The following LINGO3 variants were observed in gnomAD, a reference collection of about 807,000 sequenced individuals.
The protein encoded by LINGO3 is leucine rich repeat and Ig domain containing 3.
For synonymous variants in LINGO3, 427 were observed against 444.2 expected, an observed-to-expected ratio of 0.96 and a Z score of 0.49; for missense variants, 750 against 867.7, an observed-to-expected ratio of 0.86 and a Z score of 1.70.
the LINGO3 span, among the ~76,000 whole-genome samples, chr19:2,299,454 C>T: frequency 5.3e-5 from 8 of 151,284 alleles, no homozygotes; most frequent in South Asian, 2.1e-4. Context: ...GATGGAGTCT[C>T]GCTCTGTCGC....
the LINGO3 span, among the ~76,000 whole-genome samples, chr19:2,307,852 G>A: frequency 2.0e-5 from 3 of 152,328 alleles, no homozygotes; most frequent in African/African-American, 7.2e-5. Context: ...CCAGAGGAGG[G>A]GCGGGGGGCC....
the LINGO3 span, among the ~76,000 whole-genome samples, chr19:2,308,050 C>G: frequency 6.6e-6 from 1 of 150,818 alleles, no homozygotes; most frequent in Non-Finnish European, 1.5e-5. Flanking sequence ...GCGCGCCCCA[C>G]GCCGGGCCCC....
chr19:2,293,488 T>C (rs990975458), upstream of LINGO3, among the ~76,000 whole-genome samples: 5 of 151,634 alleles, frequency 3.3e-5, no homozygotes, highest in African/African-American at 1.2e-4. Flanking sequence ...GCCTCCTGAG[T>C]AGCTGGGACT....
the LINGO3 span, among the ~76,000 whole-genome samples, chr19:2,301,952 A>G: frequency 1.3e-5 from 2 of 149,138 alleles, no homozygotes; most frequent in African/African-American, 5.0e-5. Context: ...AAAAAAGAGG[A>G]AAAGAAAAGA....
exon 1 of LINGO3, chr19:2,289,924 G>T: frequency 7.8e-7 from 1 of 1,288,718 alleles, no homozygotes; most frequent in South Asian, 1.5e-5. Context: ...CTTCCCCTCC[G>T]GGAAATGCAT....
At chr19:2,300,023 CTTTTTT>C in the LINGO3 span, among the ~76,000 whole-genome samples, 3 of 95,866 alleles carry the variant, frequency 3.1e-5, no homozygotes, top group Admixed American at 3.1e-4. Context: ...TGCCTGGCCT[CTTTTTT>C]TTTTTTTTTT....
chr19:2,301,612 C>T, the LINGO3 span, among the ~76,000 whole-genome samples: 1 of 152,110 alleles, frequency 6.6e-6, no homozygotes, highest in African/African-American at 2.4e-5. Context: ...CAGGGCCACA[C>T]AGCAGAGAGG....
downstream of LINGO3, chr19:2,289,776 A>G: frequency 3.6e-6 from 1 of 274,790 alleles, no homozygotes; most frequent in South Asian, 3.4e-5. Flanking sequence ...CATAGCAGGG[A>G]CAGGAAGACG....
At chr19:2,306,891 G>A in the LINGO3 span, among the ~76,000 whole-genome samples, 1 of 152,128 alleles carries the variant, frequency 6.6e-6, no homozygotes, top group African/African-American at 2.4e-5. Context: ...CTTCGGCTCA[G>A]AGAACAGCCA....
the LINGO3 span, among the ~76,000 whole-genome samples, chr19:2,301,845 G>A: frequency 1.3e-5 from 2 of 149,060 alleles, no homozygotes; most frequent in Non-Finnish European, 3.0e-5. Flanking sequence ...GGAGAATGGC[G>A]TGAACCCGGA....
rs2145085390 is a variant in LINGO3 at position 2,290,416 on chromosome 19, G to A, written c.1361C>T (p.Ala454Val). Reference sequence around the variant, plus strand: ...CCCGGGGAGCACGCGCGCCCGGCCCGCGCTGGTGGCCGTCACCGGCCGGTG... The same window carrying A: ...CCCGGGGAGCACGCGCGCCCGGCCCACGCTGGTGGCCGTCACCGGCCGGTG... Residue 454 changes from alanine (A) to valine (V), a missense_variant, in exon 1 of 1, where the codon GCG becomes GTG. Coordinates refer to ENST00000585527, the Ensembl canonical transcript of LINGO3. This position sits in a 1 kb window ranked among gnomAD's most constrained non-coding sequence, Gnocchi z 6.0. The A allele has an allele frequency of 7.0e-7, 1 of 1,420,318 alleles. No homozygotes were observed. The highest frequency in any genetic ancestry group is 9.1e-7 in the Non-Finnish European group (1 of 1,095,494). 88.0% of individuals were successfully genotyped at this position (1,420,318 alleles called of 1,614,324 possible).
the LINGO3 span, among the ~76,000 whole-genome samples, chr19:2,299,438 T>C: frequency 2.0e-5 from 3 of 152,076 alleles, no homozygotes; most frequent in Non-Finnish European, 4.4e-5. Context: ...TTTATTTTTT[T>C]TTTGAGATGG....
chr19:2,290,463 G>A lies in LINGO3; in HGVS notation c.1314C>T (p.Thr438=). 2 of 1,454,594 alleles carry A rather than the reference G, an allele frequency of 1.4e-6. No homozygotes were observed. Among genetic ancestry groups the A allele is most frequent in the Non-Finnish European group, 1.8e-6 (2 of 1,110,230 alleles). 90.1% of individuals were successfully genotyped at this position (1,454,594 alleles called of 1,614,324 possible). A position where few individuals can be genotyped will look rare whatever the true frequency, so the allele number is the denominator to read the frequency against. ...GGTGCTGGGGGGTCACCCAGGCCAC[G>A]GTGGGCGCCGGCTCGCCCTCGGCGC... Residue 438 remains threonine, a synonymous_variant, in exon 1 of 1, where the codon ACC becomes ACT. Coordinates refer to ENST00000585527, the Ensembl canonical transcript of LINGO3. This position sits in a 1 kb window ranked among gnomAD's most constrained non-coding sequence, Gnocchi z 6.0.
Position 2,290,571 on chromosome 19 carries a change from G to A in LINGO3, c.1206C>T (p.Phe402=), listed in dbSNP as rs1201649565. ...CCCGGATCTTGGGTTTGCGGCACAC[G>A]AAGTACTCGAACAGCACGGAGTCCG... Residue 402 remains phenylalanine (F), a synonymous_variant, in exon 1 of 1, where the codon TTC becomes TTT. Coordinates refer to ENST00000585527, the Ensembl canonical transcript of LINGO3. The surrounding 1 kb of genome is among the most constrained non-coding windows in gnomAD (Gnocchi z 6.0). 6.4e-7 allele frequency: 1 copy of A among 1,563,332 alleles called. No homozygotes were observed. The highest frequency in any genetic ancestry group is 1.7e-4 in the Middle Eastern group (1 of 5,992).
chr19:2,291,240 C>G (rs1351005615), exon 1 of LINGO3: 8 of 1,611,676 alleles, frequency 5.0e-6, no homozygotes, highest in Admixed American at 1.7e-5. Context: ...GCTCCAGGGT[C>G]AGCTCCTCCA....
chr19:2,303,008 G>A, the LINGO3 span, among the ~76,000 whole-genome samples: 6 of 152,242 alleles, frequency 3.9e-5, no homozygotes, highest in South Asian at 2.1e-4. Context: ...GCGCATCCAC[G>A]CCCTGTTACA....
the LINGO3 span, among the ~76,000 whole-genome samples, chr19:2,299,235 G>A: frequency 9.2e-5 from 14 of 152,106 alleles, no homozygotes; most frequent in African/African-American, 3.1e-4. Flanking sequence ...GAGGCAGGAG[G>A]GGGGATCTGG....
Position 2,290,529 on chromosome 19 carries a change from G to T in LINGO3, c.1248C>A (p.Arg416=). 1 of 1,515,126 alleles carries T rather than the reference G, an allele frequency of 6.6e-7. No homozygotes were observed. The highest frequency in any genetic ancestry group is 8.8e-7 in the Non-Finnish European group (1 of 1,136,376). 93.9% of individuals were successfully genotyped at this position (1,515,126 alleles called of 1,614,324 possible). ...CGTCTTCGCCCGCGGTGGCCGTGAC[G>T]CGCTGCAGCCGCCGCTCCCGGATCT... is the stretch of plus-strand genomic sequence containing the variant. The change falls in exon 1 of 1, where the codon CGC becomes CGA. Residue 416 remains arginine (R), a synonymous_variant. Transcript: ENST00000585527. This position sits in a 1 kb window ranked among gnomAD's most constrained non-coding sequence, Gnocchi z 6.0.
At chr19:2,288,755 C>CG, downstream of LINGO3, among the ~76,000 whole-genome samples, 1 of 152,316 alleles carries the variant, frequency 6.6e-6, no homozygotes, top group East Asian at 1.9e-4. The surrounding 1 kb of genome is among the most constrained non-coding windows in gnomAD (Gnocchi z 6.5). Context: ...GAGCCCAGGC[C>CG]CCGAGGTCGG....
Sources: gnomAD v4.1 joint callset for allele counts (sites outside exome capture counted in the v4.1 genomes callset) on GRCh38, gnomAD v4.1.1 for gene constraint, Gnocchi (gnomAD v3.1) non-coding constraint, MANE v1.5 for transcripts, NCBI Gene and HGNC (gene_info 2026-07-23, HGNC 2026-07-21) for gene names.